The following EYS variants were observed in gnomAD, a reference collection of about 807,000 sequenced individuals.
EYS encodes protein eyes shut homolog.
A neutral mutation model predicts 282.1 loss-of-function variants in EYS; 250 were observed. That is an observed-to-expected ratio of 0.89 (90% CI 0.80 to 0.98). EYS has a LOEUF of 0.98. Among genes scored for constraint, EYS ranks in the 50% least tolerant of loss-of-function variants. EYS has a pLI of 0.00. For synonymous variants in EYS, 1,355 were observed against 1,282.9 expected, an observed-to-expected ratio of 1.06 and a Z score of -1.20; for missense variants, 4,016 against 3,709.0, an observed-to-expected ratio of 1.08 and a Z score of -2.15.
intron 19 of EYS, among the ~76,000 whole-genome samples, chr6:64,839,497 T>C (rs1025501089): frequency 5.3e-5 from 8 of 152,144 alleles, no homozygotes; most frequent in African/African-American, 1.7e-4. Context: ...AAGACACTGA[T>C]ACAAAATAGT....
intron 10 of EYS, among the ~76,000 whole-genome samples, chr6:65,338,221 A>T (rs1010192351): frequency 6.6e-6 from 1 of 150,852 alleles, no homozygotes. Flanking sequence ...TTTCAACATG[A>T]TTTCTCATCT....
chr6:64,910,082 G>C (rs939373788), intron 16 of EYS, among the ~76,000 whole-genome samples: 1 of 151,930 alleles, frequency 6.6e-6, no homozygotes, highest in Non-Finnish European at 1.5e-5. Flanking sequence ...CTACTCTTAC[G>C]ACCTGTCCTA....
Position 64,707,370 on chromosome 6 carries a change from A to G in EYS, c.3444-81125T>C, listed in dbSNP as rs550539265. On this transcript the variant is annotated intron_variant, in intron 22 of 42. Coordinates refer to ENST00000503581, the MANE Select transcript of EYS (RefSeq NM_001142800.2). ...AAAGGGAGGCAATAGGGTGAGGGAT[A>G]AAAGACTACATATTGGGGGCCAGGC... is the stretch of plus-strand genomic sequence containing the variant. 3.3e-5 allele frequency among the ~76,000 whole-genome samples: 5 copies of G among 152,210 alleles called. No homozygotes were observed. In the South Asian group the frequency reaches 1.0e-3, roughly 32 times the overall value.
At chr6:65,633,944 G>A (rs1767005058) in intron 2 of EYS, among the ~76,000 whole-genome samples, 2 of 152,238 alleles carry the variant, frequency 1.3e-5, no homozygotes, top group South Asian at 4.1e-4. Context: ...TGCCTTGAAT[G>A]TGTGCTGACC....
Position 65,560,730 on chromosome 6 carries a change from C to T in EYS, c.-332-64737G>A, listed in dbSNP as rs117455607. ...TAAATGGATATATATAATGAATATG[C>T]GTAATATAATGAATATACAAAGTAC... On this transcript the variant is annotated intron_variant, in intron 2 of 42. Transcript: ENST00000503581. Among the ~76,000 whole-genome samples the T allele has an allele frequency of 5.3e-3, 805 of 151,690 alleles. 5 individuals are homozygous for T. The highest frequency in any genetic ancestry group is 0.017 in the African/African-American group (722 of 41,366).
At chr6:64,691,015 A>G (rs894367910) in intron 22 of EYS, among the ~76,000 whole-genome samples, 31 of 152,148 alleles carry the variant, frequency 2.0e-4, no homozygotes, top group African/African-American at 7.0e-4. Flanking sequence ...AGTAAAAGTC[A>G]TGCATATATA....
At chr6:65,350,882 A>G (rs1764248301) in intron 9 of EYS, among the ~76,000 whole-genome samples, 1 of 151,662 alleles carries the variant, frequency 6.6e-6, no homozygotes, top group Non-Finnish European at 1.5e-5. Flanking sequence ...CACTTAATTT[A>G]GTTGTTAGAA....
intron 5 of EYS, chr6:65,489,234 A>T (rs1765930729): frequency 6.6e-6 from 1 of 152,236 alleles, no homozygotes; most frequent in South Asian, 2.1e-4. Context: ...TCCATCTGAC[A>T]AAGGGTTAAT....
At chr6:63,756,090 C>T (rs1317296724) in intron 41 of EYS, among the ~76,000 whole-genome samples, 1 of 152,182 alleles carries the variant, frequency 6.6e-6, no homozygotes, top group Non-Finnish European at 1.5e-5. Context: ...GACAATTTGA[C>T]TTCCTCTTTT....
chr6:65,560,348 TATATA>T lies in EYS; in HGVS notation c.-332-64360_-332-64356del, dbSNP rs894255265. 1.9e-4 allele frequency among the ~76,000 whole-genome samples: 27 copies of T among 143,298 alleles called. 1 individual carries two copies. Among genetic ancestry groups the T allele is most frequent in the South Asian group, 1.1e-3 (5 of 4,494 alleles). The allele number at this position is 143,298 out of a possible 152,430, so 94.0% of individuals were successfully genotyped here. A position where few individuals can be genotyped will look rare whatever the true frequency, so the allele number is the denominator to read the frequency against. On this transcript the variant is annotated intron_variant, in intron 2 of 42. Coordinates refer to ENST00000503581, the MANE Select transcript of EYS (RefSeq NM_001142800.2). ...ATAACATATAATATGTTATATATTG[TATATA>T]ATATAACATAAAATAATACATTATT...
At chr6:64,884,709 A>G (rs1217199799) in intron 19 of EYS, among the ~76,000 whole-genome samples, 1 of 151,656 alleles carries the variant, frequency 6.6e-6, no homozygotes, top group Non-Finnish European at 1.5e-5. Flanking sequence ...AAACAAATAC[A>G]TGTAACTTTC....
rs146337401 is a variant in EYS, at chr6:64,329,782, C to T, written c.6079-22700G>A. Among the ~76,000 whole-genome samples, 1,104 of 152,180 alleles carry T rather than the reference C, an allele frequency of 7.3e-3. 9 individuals carry two copies. The highest frequency in any genetic ancestry group is 0.025 in the African/African-American group (1,045 of 41,530). On this transcript the variant is annotated intron_variant, in intron 29 of 42. Coordinates refer to ENST00000503581, the MANE Select transcript of EYS (RefSeq NM_001142800.2). ...TTAAAGCCCCCCGGAGATTACCAGC[C>T]GGTACAGGATTTATGGGCAGTAAAT...
intron 22 of EYS, among the ~76,000 whole-genome samples, chr6:64,786,678 T>C (rs1234668035): frequency 6.6e-6 from 1 of 152,202 alleles, no homozygotes; most frequent in Non-Finnish European, 1.5e-5. Context: ...GGTTTACCTC[T>C]CAGAGCATCT....
intron 34 of EYS, among the ~76,000 whole-genome samples, chr6:63,994,831 GA>G (rs1477689437): frequency 6.6e-6 from 1 of 151,822 alleles, no homozygotes; most frequent in East Asian, 1.9e-4. Context: ...TTTGAAAATT[GA>G]AAAAATTAAA....
chr6:65,380,860 T>TA (rs1461551260), intron 8 of EYS, among the ~76,000 whole-genome samples: 2 of 151,694 alleles, frequency 1.3e-5, no homozygotes, highest in African/African-American at 2.4e-5. Context: ...AGCAAACATA[T>TA]AAAAAAAAGC....
intron 30 of EYS, among the ~76,000 whole-genome samples, chr6:64,241,980 G>A (rs1209435632): frequency 6.6e-6 from 1 of 152,096 alleles, no homozygotes; most frequent in Non-Finnish European, 1.5e-5. Context: ...GGTTTTGAGT[G>A]AGTTTCTTAA....
intron 30 of EYS, among the ~76,000 whole-genome samples, chr6:64,285,819 G>A (rs1386124317): frequency 2.0e-5 from 3 of 152,090 alleles, no homozygotes; most frequent in Admixed American, 6.6e-5. Flanking sequence ...ATCAGATCTC[G>A]TGAGACTTAT....
Position 63,877,144 on chromosome 6 carries a change from G to A in EYS, c.7056-12786C>T, listed in dbSNP as rs890164738. On this transcript the variant is annotated intron_variant, in intron 35 of 42. Transcript: ENST00000503581. ...TCCATGTTTAGTGCTTCCTTCAGGA[G>A]CTCTTTTAGGGCAGGCCTGGTGGTG... is the stretch of plus-strand genomic sequence containing the variant. Among the ~76,000 whole-genome samples, 18 of 152,208 alleles carry A rather than the reference G, an allele frequency of 1.2e-4. 1 individual carries two copies. Among genetic ancestry groups the A allele is most frequent in the Admixed American group, 1.1e-3 (17 of 15,284 alleles).
intron 31 of EYS, among the ~76,000 whole-genome samples, chr6:64,139,457 TA>T (rs1431358176): frequency 6.6e-6 from 1 of 152,106 alleles, no homozygotes; most frequent in East Asian, 1.9e-4. Context: ...TAATTAAAAA[TA>T]TTTTTTTAAA....
Sources: gnomAD v4.1 joint callset for allele counts (sites outside exome capture counted in the v4.1 genomes callset) on GRCh38, gnomAD v4.1.1 for gene constraint, MANE v1.5 for transcripts, NCBI Gene and HGNC (gene_info 2026-07-23, HGNC 2026-07-21) for gene names.